PDE4D: variants seen among roughly 807,000 people sequenced by gnomAD.
PDE4D encodes the protein 3',5'-cyclic-AMP phosphodiesterase 4D.
Under a neutral mutation model 87.4 loss-of-function variants are expected in PDE4D, and 24 were observed. The ratio of observed to expected loss-of-function variants is 0.27; its 90% CI spans 0.20 to 0.39. The LOEUF (loss-of-function observed/expected upper bound fraction) is 0.39, where lower values mean the gene tolerates loss of function less well. Among genes scored for constraint, PDE4D ranks in the 10% least tolerant of loss-of-function variants. The pLI is 1.00. For missense variants in PDE4D, 714 were observed against 1,041.0 expected (o/e 0.69, Z 4.32); for synonymous variants, 384 against 383.2 (o/e 1.00, Z -0.02).
At chr5:60,433,992 C>T (rs761311665) in intron 1 of PDE4D, among the ~76,000 whole-genome samples, 11 of 151,814 alleles carry the variant, frequency 7.2e-5, no homozygotes, top group African/African-American at 2.2e-4. Context: ...ACCTGGGTGA[C>T]GAAATAATAT....
chr5:59,977,560 A>T (rs1019090907), intron 3 of PDE4D, among the ~76,000 whole-genome samples: 29 of 152,196 alleles, frequency 1.9e-4, no homozygotes, highest in Admixed American at 1.8e-3. Flanking sequence ...TACCCTCTGA[A>T]CCTAAAATAA....
chr5:59,781,834 C>T (rs1764669522), intron 1 of PDE4D, among the ~76,000 whole-genome samples: 1 of 139,364 alleles, frequency 7.2e-6, no homozygotes. Context: ...TGATTTGTGG[C>T]GTATGCTGAT....
In PDE4D at chr5:60,431,939, G is replaced by A. The variant is rs531472722; in HGVS notation, c.-90+56003C>T. Among the ~76,000 whole-genome samples, 48 of 152,362 alleles carry A rather than the reference G, an allele frequency of 3.2e-4. 1 individual carries two copies. In the South Asian group the frequency reaches 5.0e-3, roughly 16 times the overall value. ...AATACGAAAACCTGTCAGGTGTGGC[G>A]GCGCAGGCCTGCAATCGCAGGCACT... On this transcript the variant is annotated intron_variant, in intron 1 of 16. Coordinates refer to the PDE4D transcript ENST00000502484.
chr5:59,138,049 C>T (rs140489629), intron 5 of PDE4D, among the ~76,000 whole-genome samples: 174 of 152,310 alleles, frequency 1.1e-3, no homozygotes, highest in African/African-American at 3.8e-3. Context: ...GGAACAGTCC[C>T]TGAGGAATCT....
intron 2 of PDE4D, among the ~76,000 whole-genome samples, chr5:60,170,933 A>T (rs1783371085): frequency 6.6e-6 from 1 of 152,054 alleles, no homozygotes. Flanking sequence ...GATGAAAAGC[A>T]TAATAATCTA....
intron 1 of PDE4D, chr5:60,460,599 G>T: frequency 7.9e-7 from 1 of 1,258,496 alleles, no homozygotes; most frequent in Admixed American, 1.7e-5. Context: ...CTTCATCAAT[G>T]CATTCAATTG....
intron 3 of PDE4D, among the ~76,000 whole-genome samples, chr5:59,963,345 G>A (rs1759680659): frequency 6.6e-6 from 1 of 152,122 alleles, no homozygotes; most frequent in South Asian, 2.1e-4. Context: ...CAGACTTGGA[G>A]ATTTTGACCT....
intron 1 of PDE4D, among the ~76,000 whole-genome samples, chr5:59,328,086 T>C (rs1003748116): frequency 2.0e-5 from 3 of 152,128 alleles, no homozygotes; most frequent in Non-Finnish European, 4.4e-5. Flanking sequence ...GAAAAATATA[T>C]AACAAAAATT....
intron 4 of PDE4D, 83 bp from the exon 5 acceptor site, chr5:59,180,727 AT>A: frequency 8.0e-7 from 1 of 1,246,266 alleles, no homozygotes; most frequent in Non-Finnish European, 1.2e-6. Flanking sequence ...CAGATATAGC[AT>A]TTTACTTTAA....
At chr5:60,326,066 A>G (rs1305162956) in intron 1 of PDE4D, among the ~76,000 whole-genome samples, 1 of 152,142 alleles carries the variant, frequency 6.6e-6, no homozygotes, top group African/African-American at 2.4e-5. Flanking sequence ...TCATTCACCC[A>G]CTGAAGGACA....
At chr5:59,593,760 G>C (rs1344921399) in intron 1 of PDE4D, among the ~76,000 whole-genome samples, 1 of 152,174 alleles carries the variant, frequency 6.6e-6, no homozygotes, top group South Asian at 2.1e-4. Flanking sequence ...AATCGTTAGA[G>C]GCTGAGTGCA....
intron 1 of PDE4D, among the ~76,000 whole-genome samples, chr5:59,609,023 T>A (rs140490027): frequency 3.0e-4 from 46 of 152,268 alleles, no homozygotes; most frequent in Admixed American, 5.2e-4. Context: ...AGGAAGCAGC[T>A]GAGCCTTGAG....
intron 1 of PDE4D, among the ~76,000 whole-genome samples, chr5:59,584,235 G>A (rs768632636): frequency 1.3e-5 from 2 of 152,156 alleles, no homozygotes; most frequent in African/African-American, 4.8e-5. Flanking sequence ...CTATAAATAA[G>A]AGGAAAACAA....
intron 2 of PDE4D, among the ~76,000 whole-genome samples, chr5:59,200,323 A>G (rs111066619): frequency 0.012 from 1,378 of 115,986 alleles, 83 homozygotes; most frequent in African/African-American, 0.046. Flanking sequence ...ACACGTATAC[A>G]TACACGTGTA....
chr5:60,130,992 G>C (rs1371322693), intron 2 of PDE4D, among the ~76,000 whole-genome samples: 1 of 152,106 alleles, frequency 6.6e-6, no homozygotes, highest in African/African-American at 2.4e-5. Flanking sequence ...AAATAGTTAA[G>C]ATTACATTTC....
At chr5:59,064,074 A>C (rs1449484753) in intron 5 of PDE4D, among the ~76,000 whole-genome samples, 1 of 151,942 alleles carries the variant, frequency 6.6e-6, no homozygotes, top group Non-Finnish European at 1.5e-5. Context: ...AAAATGAGAA[A>C]AAAATATACT....
intron 1 of PDE4D, among the ~76,000 whole-genome samples, chr5:59,848,685 A>G (rs1744237047): frequency 6.6e-6 from 1 of 152,030 alleles, no homozygotes; most frequent in Admixed American, 6.6e-5. Flanking sequence ...ATGAGACACC[A>G]CTTCATACCC....
intron 1 of PDE4D, among the ~76,000 whole-genome samples, chr5:59,424,547 C>T (rs1794926283): frequency 6.6e-6 from 1 of 152,118 alleles, no homozygotes; most frequent in African/African-American, 2.4e-5. Context: ...GGAAGAAAGG[C>T]ATCTTCTTCA....
chr5:58,998,983 A>C (rs2153350931), intron 6 of PDE4D, among the ~76,000 whole-genome samples: 1 of 150,320 alleles, frequency 6.7e-6, no homozygotes, highest in African/African-American at 2.4e-5. Context: ...TAGACAATCA[A>C]GTTTTCACTT....
Sources: gnomAD v4.1 joint callset for allele counts (sites outside exome capture counted in the v4.1 genomes callset) on GRCh38, gnomAD v4.1.1 for gene constraint, MANE v1.5 for transcripts, NCBI Gene and HGNC (gene_info 2026-07-23, HGNC 2026-07-21) for gene names.